Variants in PAK2 observed in about 807,000 individuals in gnomAD.
PAK2 encodes p21 (RAC1) activated kinase 2, also known as serine/threonine-protein kinase PAK 2.
In PAK2, 21 loss-of-function variants were observed where a neutral mutation model predicts 65.9. That is an observed-to-expected ratio of 0.32 (90% confidence interval 0.23 to 0.46). PAK2 has a LOEUF of 0.46. Ranked by LOEUF, PAK2 falls within the 20% of genes least tolerant of loss-of-function variation. PAK2 has a pLI of 1.00. For synonymous variants in PAK2, 204 were observed against 219.7 expected (o/e 0.93, Z 0.63); for missense variants, 324 against 642.6 (o/e 0.50, Z 5.36).
chr3:196,825,270 C>T (rs758744183), intron 13 of PAK2, among the ~76,000 whole-genome samples: 5 of 151,818 alleles, frequency 3.3e-5, no homozygotes, highest in South Asian at 2.1e-4. Flanking sequence ...TGCTGGAACC[C>T]GGGAGGCAGA....
rs1283216358 is a variant in PAK2, at chr3:196,832,380, T to G, written c.*3975T>G. 1 of 152,214 alleles carries G rather than the reference T, an allele frequency of 6.6e-6. No individual in the cohort carries two copies. The highest frequency in any genetic ancestry group is 2.4e-5 in the African/African-American group (1 of 41,456). 9.4% of individuals were successfully genotyped at this position (152,214 alleles called of 1,614,324 possible). A position where few individuals can be genotyped will look rare whatever the true frequency, so the allele number is the denominator to read the frequency against. ...AAATTTTATGCCTTTTATTTTTAAT[T>G]TAATCCCGTTCAATTATTTAATTGT... On this transcript the variant is annotated 3_prime_UTR_variant, in exon 15 of 15. Transcript: ENST00000327134.
chr3:196,811,108 A>C (rs1346521388), intron 8 of PAK2, among the ~76,000 whole-genome samples: 2 of 151,800 alleles, frequency 1.3e-5, no homozygotes, highest in Non-Finnish European at 2.9e-5. Context: ...TAAACACCTA[A>C]ATTTTTAATG....
chr3:196,814,069 G>T (rs1715915935), intron 10 of PAK2, among the ~76,000 whole-genome samples: 2 of 152,144 alleles, frequency 1.3e-5, no homozygotes, highest in Non-Finnish European at 2.9e-5. Flanking sequence ...TTGATCCTTG[G>T]CTTCATATTC....
In PAK2 at chr3:196,768,751, C is replaced by T. The variant is rs1050717264; in HGVS notation, c.-21-13875C>T. 2.6e-5 allele frequency among the ~76,000 whole-genome samples: 4 copies of T among 151,738 alleles called. No individual in the cohort carries two copies. In the South Asian group the frequency reaches 6.2e-4, roughly 24 times the overall value. ...TGAAATCTCGGCTCACTGCAACCTC[C>T]TCCTCATGAGTTCAAGCGATTCTCC... On this transcript the variant is annotated intron_variant, in intron 1 of 14. Transcript: ENST00000327134.
At position 196,786,963 on chromosome 3, in the gene PAK2, T is replaced by A. The variant is rs143970233; in HGVS notation, c.187+4130T>A. 8.6e-3 allele frequency among the ~76,000 whole-genome samples: 1,315 copies of A among 152,178 alleles called. 8 individuals carry two copies. The highest frequency in any genetic ancestry group is 0.013 in the Non-Finnish European group (892 of 68,002). ...CCTCAGCCTTCCAAGTAGTTGGGAC[T>A]ACAGGTGCACAACACCATGCCCAAC... On this transcript the variant is annotated intron_variant, in intron 2 of 14. Coordinates refer to ENST00000327134, the MANE Select transcript of PAK2 (RefSeq NM_002577.4).
At chr3:196,753,115 C>T (rs937014760) in intron 1 of PAK2, among the ~76,000 whole-genome samples, 12 of 151,912 alleles carry the variant, frequency 7.9e-5, no homozygotes, top group Non-Finnish European at 1.2e-4. Context: ...CCCACCACCA[C>T]GCCTGGCTAA....
At chr3:196,812,194 C>G in intron 8 of PAK2, 25 bp from the exon 9 acceptor site, 1 of 1,406,486 alleles carries the variant, frequency 7.1e-7, no homozygotes, top group Non-Finnish European at 1.0e-6. Context: ...AACCTTAAAT[C>G]TGGTTGTGTG....
At chr3:196,813,457 CAA>C (rs566020366) in intron 10 of PAK2, among the ~76,000 whole-genome samples, 23 of 60,932 alleles carry the variant, frequency 3.8e-4, no homozygotes, top group Admixed American at 6.8e-4. Context: ...GACTCCATCT[CAA>C]AAAAAAAAAA....
At chr3:196,788,094 G>C (rs1482800725) in intron 2 of PAK2, among the ~76,000 whole-genome samples, 1 of 152,114 alleles carries the variant, frequency 6.6e-6, no homozygotes, top group East Asian at 1.9e-4. Flanking sequence ...TGCTTCTCTC[G>C]CTAGTCTTAT....
At chr3:196,782,959 C>A (rs902215589) in intron 2 of PAK2, 126 bp downstream of exon 2, 7 of 515,816 alleles carry the variant, frequency 1.4e-5, no homozygotes, top group Non-Finnish European at 2.4e-5. Flanking sequence ...AATATACAGG[C>A]ACTATTAAAA....
At chr3:196,825,093 A>C (rs79205782) in intron 13 of PAK2, among the ~76,000 whole-genome samples, 11 of 152,202 alleles carry the variant, frequency 7.2e-5, no homozygotes, top group East Asian at 3.9e-4. Context: ...TGCCTGTAAT[A>C]CCAGCACTTT....
intron 1 of PAK2, among the ~76,000 whole-genome samples, chr3:196,761,687 G>C (rs1256791988): frequency 0.014 from 1,985 of 142,326 alleles, 31 homozygotes; most frequent in African/African-American, 0.049. Flanking sequence ...CTCCCAGACG[G>C]GGTGGTGGCC....
intron 1 of PAK2, among the ~76,000 whole-genome samples, chr3:196,753,425 G>A (rs761341935): frequency 6.0e-5 from 9 of 150,886 alleles, no homozygotes; most frequent in South Asian, 2.1e-4. Flanking sequence ...CTGGGCTCAC[G>A]TGATCCTATC....
intron 2 of PAK2, among the ~76,000 whole-genome samples, chr3:196,798,194 G>C (rs1349855418): frequency 6.6e-6 from 1 of 152,126 alleles, no homozygotes; most frequent in Non-Finnish European, 1.5e-5. Flanking sequence ...CAATAAAATG[G>C]ATAAACCTAT....
Position 196,755,724 on chromosome 3 carries a change from T to C in PAK2, c.-22+15567T>C, listed in dbSNP as rs184529075. The stretch of plus-strand genomic sequence containing the variant: ...CCGCCTGCCTCAGCCTCCCAAAGTG[T>C]TGGGATTACAGGCGTGAGCCACTGC... On this transcript the variant is annotated intron_variant, in intron 1 of 14. Transcript: ENST00000327134. Among the ~76,000 whole-genome samples the C allele has an allele frequency of 5.4e-3, 826 of 151,906 alleles. 6 individuals are homozygous for C. The highest frequency in any genetic ancestry group is 0.018 in the African/African-American group (726 of 41,392).
intron 1 of PAK2, among the ~76,000 whole-genome samples, chr3:196,775,457 A>G (rs1408733517): frequency 1.3e-5 from 2 of 151,878 alleles, no homozygotes; most frequent in African/African-American, 4.8e-5. Context: ...ATCTCGGCTC[A>G]CTGCAAGCTC....
In PAK2 at chr3:196,740,003, G is replaced by A. The variant is rs1718406; in HGVS notation, c.-176G>A. 9 of 151,518 alleles carry A rather than the reference G, an allele frequency of 5.9e-5. No individual in the cohort carries two copies. Among genetic ancestry groups the A allele is most frequent in the Admixed American group, 5.9e-4 (9 of 15,268 alleles). The allele number at this position is 151,518 out of a possible 1,614,324, so 9.4% of individuals were successfully genotyped here. ...TCCGCCGCCGCTGGGCCTAGCGGTA[G>A]CAGCGGCTGCTCCAGCGCGGCGTCT... On this transcript the variant is annotated 5_prime_UTR_variant, in exon 1 of 15. Coordinates refer to ENST00000327134, the MANE Select transcript of PAK2 (RefSeq NM_002577.4).
At position 196,739,887 on chromosome 3, in the gene PAK2, C is replaced by T. The variant is rs1436207448; in HGVS notation, c.-292C>T. 1 of 152,104 alleles carries T rather than the reference C, an allele frequency of 6.6e-6. No individual in the cohort carries two copies. Among genetic ancestry groups the T allele is most frequent in the Non-Finnish European group, 1.5e-5 (1 of 68,066 alleles). 9.4% of individuals were successfully genotyped at this position (152,104 alleles called of 1,614,324 possible). On this transcript the variant is annotated 5_prime_UTR_variant, in exon 1 of 15. Transcript: ENST00000327134. ...CCTCCCCCAGGGTTGTGGCCACGCGCAGCGGCGGCGGTTGTTCCGCTTCCC... is the reference window on the plus strand; with the variant it reads ...CCTCCCCCAGGGTTGTGGCCACGCGTAGCGGCGGCGGTTGTTCCGCTTCCC...
At chr3:196,796,175 TGGCCTGGG>T (rs1715254712) in intron 2 of PAK2, among the ~76,000 whole-genome samples, 1 of 152,212 alleles carries the variant, frequency 6.6e-6, no homozygotes, top group African/African-American at 2.4e-5. Flanking sequence ...TACCAGTTTG[TGGCCTGGG>T]GGCTGGGGAC....
Sources: gnomAD v4.1 joint callset for allele counts (sites outside exome capture counted in the v4.1 genomes callset) on GRCh38, gnomAD v4.1.1 for gene constraint, MANE v1.5 for transcripts, NCBI Gene and HGNC (gene_info 2026-07-23, HGNC 2026-07-21) for gene names.